MAP2K1: variants seen among roughly 807,000 people sequenced by gnomAD.
The protein encoded by MAP2K1 is mitogen-activated protein kinase kinase 1.
A neutral mutation model predicts 46.3 loss-of-function variants in MAP2K1; 16 were observed. The ratio of observed to expected loss-of-function variants is 0.35; its 90% confidence interval spans 0.23 to 0.52. MAP2K1 has a LOEUF of 0.52. Ranked by LOEUF, MAP2K1 falls within the 20% of genes least tolerant of loss-of-function variation. MAP2K1 has a pLI of 0.94. For missense variants in MAP2K1, 263 were observed against 497.1 expected, an observed-to-expected ratio of 0.53 and a Z score of 4.48; for synonymous variants, 183 against 185.6, an observed-to-expected ratio of 0.99 and a Z score of 0.11.
intron 1 of MAP2K1, 24 bp from the exon 2 acceptor site, chr15:66,435,003 C>T: frequency 6.7e-7 from 1 of 1,500,572 alleles, no homozygotes. Context: ...ACAGTATTGA[C>T]TTGTGCTCCC....
intron 5 of MAP2K1, among the ~76,000 whole-genome samples, chr15:66,454,962 G>T (rs2140622721): frequency 6.6e-6 from 1 of 152,274 alleles, no homozygotes; most frequent in African/African-American, 2.4e-5. Context: ...AACCACGGTA[G>T]GGTGGGAACC....
chr15:66,395,149 A>C (rs1354231870), intron 1 of MAP2K1, among the ~76,000 whole-genome samples: 1 of 152,244 alleles, frequency 6.6e-6, no homozygotes, highest in Non-Finnish European at 1.5e-5. Flanking sequence ...GAAACCACAG[A>C]TATCAATAGT....
chr15:66,406,382 G>A (rs1236572668), intron 1 of MAP2K1, among the ~76,000 whole-genome samples: 1 of 152,148 alleles, frequency 6.6e-6, no homozygotes, highest in African/African-American at 2.4e-5. Context: ...GCTATTAAAA[G>A]GCATTTAAAT....
chr15:66,445,877 T>A lies in MAP2K1; in HGVS notation c.568+1170T>A, dbSNP rs142377944. On this transcript the variant is annotated intron_variant, in intron 5 of 10. Transcript: ENST00000307102. The stretch of plus-strand genomic sequence containing the variant: ...GTGACACAAATGTTACATCTTTTTT[T>A]TTTTTTCAAGAGCACACATCCACTT... 2.9e-4 allele frequency among the ~76,000 whole-genome samples: 44 copies of A among 152,258 alleles called. No homozygotes were observed. In the East Asian group the frequency reaches 8.5e-3, roughly 29 times the overall value.
At chr15:66,430,936 T>A (rs34874406) in intron 1 of MAP2K1, among the ~76,000 whole-genome samples, 8,556 of 152,264 alleles carry the variant, frequency 0.056, 346 homozygotes, top group Middle Eastern at 0.11. Flanking sequence ...ATTCAAACCT[T>A]TAATCTTCTT....
chr15:66,398,178 C>A (rs563664381), intron 1 of MAP2K1, among the ~76,000 whole-genome samples: 32 of 151,202 alleles, frequency 2.1e-4, no homozygotes, highest in Admixed American at 5.3e-4. Flanking sequence ...TTGGGGAGAC[C>A]TGCCAAGTCA....
At chr15:66,443,632 A>G (rs891140092) in intron 4 of MAP2K1, among the ~76,000 whole-genome samples, 2 of 152,202 alleles carry the variant, frequency 1.3e-5, no homozygotes, top group African/African-American at 4.8e-5. Context: ...GCACTTTGCG[A>G]GGCCAAGGCA....
chr15:66,390,235 C>G (rs1255566088), intron 1 of MAP2K1, among the ~76,000 whole-genome samples: 1 of 152,156 alleles, frequency 6.6e-6, no homozygotes, highest in Non-Finnish European at 1.5e-5. Context: ...GACTGTTTCC[C>G]TGTGTTTCAT....
At position 66,490,615 on chromosome 15, in the gene MAP2K1, AGT is replaced by A. The variant is rs1893224117; in HGVS notation, c.*3_*4del. On this transcript the variant is annotated 3_prime_UTR_variant, in exon 11 of 11. Coordinates refer to ENST00000307102, the MANE Select transcript of MAP2K1 (RefSeq NM_002755.4). ...CACCAACCCATGCTGCTGGCGTCTAAGTGTTTGGGAAGCAACAAAGAGCGAGT... is the reference window on the plus strand; with the variant it reads ...CACCAACCCATGCTGCTGGCGTCTAAGTTTGGGAAGCAACAAAGAGCGAGT... 6.2e-7 allele frequency: 1 copy of A among 1,613,430 alleles called. No individual in the cohort carries two copies. Among genetic ancestry groups the A allele is most frequent in the Non-Finnish European group, 8.5e-7 (1 of 1,179,528 alleles).
intron 5 of MAP2K1, among the ~76,000 whole-genome samples, chr15:66,457,551 G>A (rs1414464710): frequency 6.6e-6 from 1 of 152,208 alleles, no homozygotes; most frequent in Admixed American, 6.5e-5. Context: ...AGATGACTGT[G>A]TGGCCCTCAA....
chr15:66,390,690 C>T (rs1259210970), intron 1 of MAP2K1, among the ~76,000 whole-genome samples: 1 of 152,072 alleles, frequency 6.6e-6, no homozygotes, highest in Admixed American at 6.6e-5. Context: ...AATATTGTTC[C>T]TCTGTTTAAA....
intron 5 of MAP2K1, among the ~76,000 whole-genome samples, chr15:66,470,149 T>G (rs138134548): frequency 2.6e-4 from 34 of 132,102 alleles, no homozygotes; most frequent in African/African-American, 9.4e-4. Context: ...GAGGCCTCGT[T>G]CCCCATAATT....
At chr15:66,489,646 G>C (rs998184531) in intron 9 of MAP2K1, 72 bp from the exon 10 acceptor site, 5 of 1,130,750 alleles carry the variant, frequency 4.4e-6, no homozygotes, top group Non-Finnish European at 6.8e-6. Flanking sequence ...GAGAAGACAG[G>C]CATGCAAACA....
chr15:66,478,589 C>T (rs918949607), intron 5 of MAP2K1, among the ~76,000 whole-genome samples: 1 of 151,036 alleles, frequency 6.6e-6, no homozygotes, highest in Non-Finnish European at 1.5e-5. Flanking sequence ...ACTTCTACCT[C>T]CCGGGTTCAA....
chr15:66,474,018 A>C (rs1280589167), intron 5 of MAP2K1, among the ~76,000 whole-genome samples: 1 of 152,152 alleles, frequency 6.6e-6, no homozygotes, highest in Non-Finnish European at 1.5e-5. Flanking sequence ...GTTGTGTGCC[A>C]ATGAAAAGCA....
chr15:66,420,663 AT>A (rs1567002822), intron 1 of MAP2K1, among the ~76,000 whole-genome samples: 1 of 134,342 alleles, frequency 7.4e-6, no homozygotes, highest in Non-Finnish European at 1.6e-5. Context: ...TCATTTTCTT[AT>A]TTTTTTATTT....
chr15:66,461,073 C>T (rs1892307169), intron 5 of MAP2K1, among the ~76,000 whole-genome samples: 1 of 152,136 alleles, frequency 6.6e-6, no homozygotes, highest in Non-Finnish European at 1.5e-5. Flanking sequence ...AGGAGGATCC[C>T]AGCCCTAAGA....
chr15:66,475,599 CAAAAT>C (rs1478478677), intron 5 of MAP2K1, among the ~76,000 whole-genome samples: 2 of 152,260 alleles, frequency 1.3e-5, no homozygotes, highest in Non-Finnish European at 2.9e-5. Context: ...CTAAACCAAA[CAAAAT>C]GAAGGTATTA....
At chr15:66,397,205 C>CGT (rs951335522) in intron 1 of MAP2K1, among the ~76,000 whole-genome samples, 1 of 150,704 alleles carries the variant, frequency 6.6e-6, no homozygotes, top group Non-Finnish European at 1.5e-5. Context: ...AAGGTTTCAC[C>CGT]GTGTAGCCAG....
Sources: allele counts gnomAD v4.1 joint callset (sites outside exome capture counted in the v4.1 genomes callset), GRCh38; gene constraint gnomAD v4.1.1; transcripts MANE v1.5; gene names NCBI Gene and HGNC (gene_info 2026-07-23, HGNC 2026-07-21).